SPIN1: variants seen among roughly 807,000 people sequenced by gnomAD.
The protein encoded by SPIN1 is spindlin-1.
Under a neutral mutation model 26.0 loss-of-function variants are expected in SPIN1, and 3 were observed. The ratio of observed to expected loss-of-function variants is 0.12; its 90% CI spans 0.05 to 0.30. SPIN1 has a LOEUF of 0.30. Among genes scored for constraint, SPIN1 ranks in the 10% least tolerant of loss-of-function variants. SPIN1 has a pLI of 1.00. For synonymous variants in SPIN1, 101 were observed against 116.5 expected, an observed-to-expected ratio of 0.87 and a Z score of 0.86; for missense variants, 126 against 333.4, an observed-to-expected ratio of 0.38 and a Z score of 4.84.
intron 2 of SPIN1, among the ~76,000 whole-genome samples, chr9:88,429,435 T>C (rs942963834): frequency 2.0e-5 from 3 of 152,188 alleles, no homozygotes; most frequent in Admixed American, 2.0e-4. Context: ...AGCCATAAAT[T>C]GGAGTTTCCA....
rs771063455 is a variant in SPIN1 at position 88,475,070 on chromosome 9, T to TA, written c.590-6dup. ...CTCTTTTTTTTTTTTTTTTTTTTTTTAATATAGATGATTCACCTCCAGCAG... is the reference window on the plus strand; with the variant it reads ...CTCTTTTTTTTTTTTTTTTTTTTTTTAAATATAGATGATTCACCTCCAGCAG... On this transcript the variant is annotated splice_polypyrimidine_tract_variant and splice_region_variant and intron_variant, in intron 5 of 5. Coordinates refer to ENST00000375859, the MANE Select transcript of SPIN1 (RefSeq NM_006717.3). 1.3e-5 allele frequency: 17 copies of TA among 1,300,660 alleles called. No individual in the cohort carries two copies. Among genetic ancestry groups the TA allele is most frequent in the African/African-American group, 6.9e-5 (4 of 57,618 alleles). The allele number at this position is 1,300,660 out of a possible 1,614,324, so 80.6% of individuals were successfully genotyped here. A position where few individuals can be genotyped will look rare whatever the true frequency, so the allele number is the denominator to read the frequency against.
chr9:88,411,711 C>A (rs2117961651), intron 1 of SPIN1, among the ~76,000 whole-genome samples: 1 of 152,012 alleles, frequency 6.6e-6, no homozygotes, highest in Admixed American at 6.6e-5. Flanking sequence ...GATGAGATCA[C>A]CCTGTGTTGC....
chr9:88,454,937 A>T lies in SPIN1; in HGVS notation c.101+5948A>T, dbSNP rs75047890. ...TGCCTTCAGCCTTGAGGGGAAAATT[A>T]CCGTTGTTTCCTTTGCCTTTAAAGA... On this transcript the variant is annotated intron_variant, in intron 3 of 5. Transcript: ENST00000375859. Among the ~76,000 whole-genome samples the T allele has an allele frequency of 8.5e-4, 130 of 152,306 alleles. 3 individuals carry two copies. The East Asian group carries it at 0.024, about 28-fold the overall frequency.
At chr9:88,419,151 T>G (rs1046398743) in intron 1 of SPIN1, among the ~76,000 whole-genome samples, 2 of 152,184 alleles carry the variant, frequency 1.3e-5, no homozygotes, top group African/African-American at 4.8e-5. Flanking sequence ...CTTTTAAAAT[T>G]AACTTCCTCT....
At chr9:88,452,548 G>GAA (rs1443588900) in intron 3 of SPIN1, among the ~76,000 whole-genome samples, 14 of 152,222 alleles carry the variant, frequency 9.2e-5, no homozygotes, top group Non-Finnish European at 2.9e-5. Flanking sequence ...CCAGCAATGA[G>GAA]AATAGCACTT....
chr9:88,472,787 C>T (rs1250891701), intron 5 of SPIN1, among the ~76,000 whole-genome samples: 1 of 152,268 alleles, frequency 6.6e-6, no homozygotes, highest in Non-Finnish European at 1.5e-5. Flanking sequence ...CTGCGTCCGG[C>T]TCCACATTTC....
intron 4 of SPIN1, 82 bp downstream of exon 4, chr9:88,462,831 T>G: frequency 7.1e-7 from 1 of 1,413,432 alleles, no homozygotes; most frequent in Non-Finnish European, 9.5e-7. Flanking sequence ...ACATTATTAA[T>G]ACTTCACTTT....
At chr9:88,420,103 C>T (rs142040206) in intron 1 of SPIN1, among the ~76,000 whole-genome samples, 27 of 152,306 alleles carry the variant, frequency 1.8e-4, no homozygotes, top group South Asian at 6.2e-4. Context: ...AGGCCAGGCG[C>T]GGTGGCTCAT....
At chr9:88,467,918 G>A (rs1828703486) in intron 4 of SPIN1, among the ~76,000 whole-genome samples, 1 of 151,214 alleles carries the variant, frequency 6.6e-6, no homozygotes, top group African/African-American at 2.4e-5. Flanking sequence ...ACGTTCTGTG[G>A]TTATGTAAGA....
At chr9:88,467,467 T>C (rs1404428093) in intron 4 of SPIN1, among the ~76,000 whole-genome samples, 5 of 152,136 alleles carry the variant, frequency 3.3e-5, no homozygotes, top group African/African-American at 1.2e-4. Flanking sequence ...GGCTACCTTG[T>C]TGGTCAGGAG....
intron 1 of SPIN1, 127 bp from the exon 2 acceptor site, chr9:88,426,255 G>T (rs1196456076): frequency 4.1e-6 from 1 of 245,050 alleles, no homozygotes; most frequent in Non-Finnish European, 8.1e-6. Context: ...AGGAAATAAA[G>T]TTAATTGCTT....
intron 2 of SPIN1, among the ~76,000 whole-genome samples, chr9:88,428,160 T>G (rs1459494582): frequency 1.3e-5 from 2 of 152,216 alleles, no homozygotes; most frequent in African/African-American, 2.4e-5. Context: ...CATTCCAAAT[T>G]CAACATGCAT....
In SPIN1 at chr9:88,396,677, T is replaced by C. The variant is rs1827067002; in HGVS notation, c.-159+8139T>C. Among the ~76,000 whole-genome samples, 2 of 152,062 alleles carry C rather than the reference T, an allele frequency of 1.3e-5. 1 individual carries two copies. The highest frequency in any genetic ancestry group is 4.8e-5 in the African/African-American group (2 of 41,414). Reference sequence around the variant, plus strand: ...AAAGTTTATAATGTAGCCTCAAGGGTACACATATAGTTGGTGTACATATAG... The same window carrying C: ...AAAGTTTATAATGTAGCCTCAAGGGCACACATATAGTTGGTGTACATATAG... On this transcript the variant is annotated intron_variant, in intron 1 of 5. Transcript: ENST00000375859.
chr9:88,391,206 AT>A (rs1826913812), intron 1 of SPIN1, among the ~76,000 whole-genome samples: 1 of 152,182 alleles, frequency 6.6e-6, no homozygotes, highest in Non-Finnish European at 1.5e-5. Flanking sequence ...TCTCTGATAA[AT>A]TATTGGTGGT....
intron 1 of SPIN1, chr9:88,410,622 A>T: frequency 9.8e-7 from 1 of 1,016,192 alleles, no homozygotes; most frequent in Non-Finnish European, 1.5e-6. Context: ...ATTGGCCTCC[A>T]CCACCATAGG....
intron 1 of SPIN1, among the ~76,000 whole-genome samples, chr9:88,398,952 A>AT (rs1183006452): frequency 6.6e-6 from 1 of 151,936 alleles, no homozygotes; most frequent in African/African-American, 2.4e-5. Flanking sequence ...AGGAAAACGT[A>AT]TATGGGATAT....
intron 1 of SPIN1, among the ~76,000 whole-genome samples, chr9:88,420,821 C>G (rs148076880): frequency 2.4e-4 from 36 of 152,300 alleles, no homozygotes; most frequent in Non-Finnish European, 4.1e-4. Flanking sequence ...TCATGTGACT[C>G]AGATCCCATT....
At chr9:88,394,539 A>G (rs1224053623) in intron 1 of SPIN1, among the ~76,000 whole-genome samples, 4 of 152,186 alleles carry the variant, frequency 2.6e-5, no homozygotes, top group Non-Finnish European at 5.9e-5. Flanking sequence ...CTAACGTTGA[A>G]AATTTACATT....
intron 2 of SPIN1, among the ~76,000 whole-genome samples, chr9:88,427,291 T>C (rs1474416076): frequency 4.6e-5 from 7 of 152,198 alleles, no homozygotes; most frequent in Admixed American, 6.5e-5. Flanking sequence ...ACTTAAGTGA[T>C]TTAGAACAAT....
Sources: gnomAD v4.1 joint callset for allele counts (sites outside exome capture counted in the v4.1 genomes callset) on GRCh38, gnomAD v4.1.1 for gene constraint, MANE v1.5 for transcripts, NCBI Gene and HGNC (gene_info 2026-07-23, HGNC 2026-07-21) for gene names.